HABP2: variants seen among roughly 807,000 people sequenced by gnomAD.
HABP2 encodes factor VII-activating protease.
A neutral mutation model predicts 66.5 loss-of-function variants in HABP2; 65 were observed. That is an observed-to-expected ratio of 0.98 (90% confidence interval 0.80 to 1.20). The LOEUF (loss-of-function observed/expected upper bound fraction) is 1.20, where lower values mean the gene tolerates loss of function less well. HABP2 is among the 50% of genes most tolerant of loss of function. HABP2 has a pLI of 0.00. For missense variants in HABP2, 786 were observed against 691.0 expected (o/e 1.14, Z -1.54); for synonymous variants, 263 against 253.9 (o/e 1.04, Z -0.34).
intron 3 of HABP2, among the ~76,000 whole-genome samples, chr10:113,575,678 C>T (rs1845395002): frequency 1.3e-5 from 2 of 152,134 alleles, no homozygotes; most frequent in Non-Finnish European, 2.9e-5. Flanking sequence ...TTCCTTCTCG[C>T]CTCTCCTCTC....
intron 2 of HABP2, among the ~76,000 whole-genome samples, chr10:113,571,101 C>T (rs1187905968): frequency 6.6e-6 from 1 of 152,162 alleles, no homozygotes; most frequent in African/African-American, 2.4e-5. Context: ...AATACGCTAC[C>T]CCAAACTTAG....
chr10:113,555,586 T>C, intron 1 of HABP2, among the ~76,000 whole-genome samples: 1 of 152,182 alleles, frequency 6.6e-6, no homozygotes, highest in East Asian at 1.9e-4. Context: ...GGATCATCTG[T>C]CATGGAGATT....
At chr10:113,582,166 T>G (rs762555618) in intron 9 of HABP2, 35 bp downstream of exon 9, 1 of 1,577,908 alleles carries the variant, frequency 6.3e-7, no homozygotes, top group South Asian at 1.1e-5. Flanking sequence ...CAGGGTGGCT[T>G]GAGTGGCTGG....
intron 3 of HABP2, among the ~76,000 whole-genome samples, chr10:113,574,969 A>C (rs1340229727): frequency 2.0e-5 from 3 of 152,076 alleles, no homozygotes; most frequent in Non-Finnish European, 4.4e-5. Context: ...GTGTATTCAT[A>C]CACATGTGCT....
At chr10:113,565,475 G>A (rs1002977119) in intron 1 of HABP2, among the ~76,000 whole-genome samples, 2 of 152,198 alleles carry the variant, frequency 1.3e-5, no homozygotes, top group Admixed American at 6.5e-5. Context: ...ATGGCAAGAG[G>A]GGAAGCAAGA....
In HABP2 at chr10:113,589,528, C is replaced by A. The variant is rs77529465; in HGVS notation, c.*1159C>A. The A allele has an allele frequency of 3.0e-6, 3 of 993,834 alleles. No individual in the cohort carries two copies. The highest frequency in any genetic ancestry group is 2.4e-5 in the East Asian group (1 of 41,214). 61.6% of individuals were successfully genotyped at this position (993,834 alleles called of 1,614,324 possible). On this transcript the variant is annotated 3_prime_UTR_variant, in exon 13 of 13. Transcript: ENST00000351270. ...GTCATCTCAGACCCATGAAATTAGGCGCCTTGTTTGAGCTGCGTTTCACAC... is the reference window on the plus strand; with the variant it reads ...GTCATCTCAGACCCATGAAATTAGGAGCCTTGTTTGAGCTGCGTTTCACAC...
chr10:113,588,618 T>G lies in HABP2; in HGVS notation c.*249T>G. On this transcript the variant is annotated 3_prime_UTR_variant, in exon 13 of 13. Coordinates refer to ENST00000351270, the MANE Select transcript of HABP2 (RefSeq NM_004132.5). ...AATCAACACAACATAGTATGTTTGC[T>G]TTCCTTACCCAATTGTACCTTCTAG... The G allele has an allele frequency of 1.9e-6, 1 of 532,260 alleles. No individual in the cohort carries two copies. 33.0% of individuals were successfully genotyped at this position (532,260 alleles called of 1,614,324 possible).
At chr10:113,555,724 A>G (rs1844980272) in intron 1 of HABP2, among the ~76,000 whole-genome samples, 1 of 152,168 alleles carries the variant, frequency 6.6e-6, no homozygotes, top group African/African-American at 2.4e-5. Context: ...ATTTTTGAGC[A>G]CCTGTCCAGC....
intron 12 of HABP2, among the ~76,000 whole-genome samples, 169 bp from the exon 13 acceptor site, chr10:113,588,036 T>A (rs1845688641): frequency 6.6e-6 from 1 of 152,166 alleles, no homozygotes; most frequent in African/African-American, 2.4e-5. Context: ...CTTAGAGTCT[T>A]GTATCATGTG....
intron 3 of HABP2, 90 bp downstream of exon 3, chr10:113,574,495 C>A (rs1302355721): frequency 2.9e-6 from 2 of 694,594 alleles, no homozygotes; most frequent in African/African-American, 3.5e-5. Context: ...CTCTCTCCGC[C>A]TCTCTGGCCA....
At chr10:113,564,392 C>A (rs1845158409) in intron 1 of HABP2, among the ~76,000 whole-genome samples, 1 of 152,040 alleles carries the variant, frequency 6.6e-6, no homozygotes, top group Non-Finnish European at 1.5e-5. Context: ...CCCAGAGGTA[C>A]CCATTTCTGG....
intron 2 of HABP2, chr10:113,569,558 A>C (rs1423800564): frequency 6.6e-6 from 1 of 152,338 alleles, no homozygotes; most frequent in Non-Finnish European, 1.5e-5. Context: ...GCCTTGCTGG[A>C]GCAGAAGGTG....
At chr10:113,553,256 G>T (rs955143166) in intron 1 of HABP2, 66 bp downstream of exon 1, 4 of 1,177,920 alleles carry the variant, frequency 3.4e-6, no homozygotes, top group South Asian at 1.2e-5. Context: ...ACCAAGCTAG[G>T]CTGGGAGTGA....
At chr10:113,564,499 C>G (rs1845160597) in intron 1 of HABP2, among the ~76,000 whole-genome samples, 1 of 152,244 alleles carries the variant, frequency 6.6e-6, no homozygotes, top group African/African-American at 2.4e-5. Context: ...CAGCCCCAAA[C>G]AGAACACCTG....
chr10:113,553,656 G>A (rs1333240241), intron 1 of HABP2, among the ~76,000 whole-genome samples: 1 of 152,250 alleles, frequency 6.6e-6, no homozygotes, highest in African/African-American at 2.4e-5. Context: ...GACTGCAAAA[G>A]ATCCTGGCAG....
At chr10:113,588,060 G>GCCTTGTCACTGCTTTCCAGAGAAGCC in intron 12 of HABP2, 145 bp from the exon 13 acceptor site, 1 of 580,384 alleles carries the variant, frequency 1.7e-6, no homozygotes, top group Admixed American at 3.1e-5. Context: ...TGTGGGGAGA[G>GCCTTGTCACTGCTTTCCAGAGAAGCC]CCTTGTCACT....
At chr10:113,582,699 T>C (rs534766603) in intron 9 of HABP2, among the ~76,000 whole-genome samples, 61 of 152,340 alleles carry the variant, frequency 4.0e-4, no homozygotes, top group African/African-American at 1.4e-3. Context: ...TCTTCATCCA[T>C]GCCTCCTGTG....
Position 113,589,384 on chromosome 10 carries a change from A to G in HABP2, c.*1015A>G. 1.7e-6 allele frequency: 1 copy of G among 572,586 alleles called. No homozygotes were observed. Among genetic ancestry groups the G allele is most frequent in the Non-Finnish European group, 3.1e-6 (1 of 323,856 alleles). 35.5% of individuals were successfully genotyped at this position (572,586 alleles called of 1,614,324 possible). ...AATGTAACGAGCAAGCAGTCAGCAC[A>G]GCCTGGGCTGCCCTGGCCCGGGATT... On this transcript the variant is annotated 3_prime_UTR_variant, in exon 13 of 13. Coordinates refer to ENST00000351270, the MANE Select transcript of HABP2 (RefSeq NM_004132.5).
In HABP2 at chr10:113,577,582, T is replaced by C. The variant is rs7071251; in HGVS notation, c.448+316T>C. 0.17 allele frequency among the ~76,000 whole-genome samples: 26,256 copies of C among 152,190 alleles called. 2,483 individuals carry two copies. The highest frequency in any genetic ancestry group is 0.31 in the East Asian group (1,622 of 5,162). On this transcript the variant is annotated intron_variant, in intron 5 of 12. Coordinates refer to ENST00000351270, the MANE Select transcript of HABP2 (RefSeq NM_004132.5). ...CGAGTCCCTGCTGTGAGGCAGGCATTGTCTCAGGAAATTTACGTTCTCTTT... is the reference window on the plus strand; with the variant it reads ...CGAGTCCCTGCTGTGAGGCAGGCATCGTCTCAGGAAATTTACGTTCTCTTT...
Sources: gnomAD v4.1 joint callset for allele counts (sites outside exome capture counted in the v4.1 genomes callset) on GRCh38, gnomAD v4.1.1 for gene constraint, MANE v1.5 for transcripts, NCBI Gene and HGNC (gene_info 2026-07-23, HGNC 2026-07-21) for gene names.